NDUFA5: variants seen among roughly 807,000 people sequenced by gnomAD.
NDUFA5 encodes NADH:ubiquinone oxidoreductase subunit A5.
Under a neutral mutation model 19.8 loss-of-function variants are expected in NDUFA5, and 11 were observed. That is an observed-to-expected ratio of 0.56 (90% CI 0.35 to 0.92). The LOEUF (loss-of-function observed/expected upper bound fraction) is 0.92, where lower values mean the gene tolerates loss of function less well. NDUFA5 is among the 40% of genes least tolerant of loss of function. NDUFA5 has a pLI of 0.01. For synonymous variants in NDUFA5, 47 were observed against 46.8 expected, an observed-to-expected ratio of 1.00 and a Z score of -0.01; for missense variants, 109 against 134.2, an observed-to-expected ratio of 0.81 and a Z score of 0.93.
At chr7:123,557,626 T>G (rs1476098438) in intron 1 of NDUFA5, 149 bp downstream of exon 1, 2 of 1,613,476 alleles carry the variant, frequency 1.2e-6, no homozygotes, top group Non-Finnish European at 1.7e-6. Context: ...ACCACTAACC[T>G]GCCCTACCCG....
intron 4 of NDUFA5, among the ~76,000 whole-genome samples, chr7:123,543,134 A>G (rs906206461): frequency 6.6e-6 from 1 of 152,234 alleles, no homozygotes; most frequent in Non-Finnish European, 1.5e-5. Context: ...TGAGTTAAAG[A>G]GCAGATGAAT....
chr7:123,544,344 C>T (rs998023610), intron 4 of NDUFA5, among the ~76,000 whole-genome samples: 2 of 151,792 alleles, frequency 1.3e-5, no homozygotes, highest in African/African-American at 2.4e-5. Flanking sequence ...ACTAAAAATA[C>T]AAAATTAGCT....
chr7:123,557,945 C>G (rs530677661), upstream of NDUFA5: 3 of 1,376,292 alleles, frequency 2.2e-6, no homozygotes, highest in Admixed American at 4.1e-5. Flanking sequence ...TCTGCCCCGC[C>G]CATCTTAAAA....
Position 123,541,231 on chromosome 7 carries a change from T to C in NDUFA5, c.*888A>G, listed in dbSNP as rs774776260. The C allele has an allele frequency of 6.6e-6, 1 of 152,200 alleles. No individual in the cohort carries two copies. The highest frequency in any genetic ancestry group is 1.5e-5 in the Non-Finnish European group (1 of 68,040). 9.4% of individuals were successfully genotyped at this position (152,200 alleles called of 1,614,324 possible). ...TATAAGCCTATCCGTATGCCAGATA[T>C]AAATTTCAGGAACTCTTAATGTCTC... On this transcript the variant is annotated 3_prime_UTR_variant, in exon 5 of 5. Coordinates refer to ENST00000355749, the MANE Select transcript of NDUFA5 (RefSeq NM_005000.5).
chr7:123,586,342 C>T, the NDUFA5 span, among the ~76,000 whole-genome samples: 8 of 151,712 alleles, frequency 5.3e-5, no homozygotes, highest in Admixed American at 5.3e-4. Flanking sequence ...ATGTTGAGGA[C>T]CTTTTCACTC....
chr7:123,581,710 A>C, the NDUFA5 span, among the ~76,000 whole-genome samples: 1 of 151,934 alleles, frequency 6.6e-6, no homozygotes, highest in African/African-American at 2.4e-5. Context: ...AGGATTGTAA[A>C]ATTCTACTGG....
In NDUFA5 at chr7:123,551,415, G is replaced by A. The variant is rs143658362; in HGVS notation, c.67-829C>T. On this transcript the variant is annotated intron_variant, in intron 2 of 4. Transcript: ENST00000355749. ...GTAGAGACAGGGTTTTGCCATGTTG[G>A]CCAGGATGGTCTCAAACTCCTGACT... 2,405 of 242,862 alleles carry A rather than the reference G, an allele frequency of 9.9e-3. 55 individuals carry two copies. Among genetic ancestry groups the A allele is most frequent in the African/African-American group, 0.052 (2,228 of 43,064 alleles). The allele number at this position is 242,862 out of a possible 1,614,324, so 15.0% of individuals were successfully genotyped here.
chr7:123,542,818 C>A (rs1797988110), intron 4 of NDUFA5, among the ~76,000 whole-genome samples: 1 of 152,064 alleles, frequency 6.6e-6, no homozygotes, highest in Non-Finnish European at 1.5e-5. Flanking sequence ...TGAGTAAATT[C>A]CTTAATCAAA....
At position 123,537,213 on chromosome 7, in the gene NDUFA5, T is replaced by C. The variant is rs1379946108; in HGVS notation, c.*4906A>G. 1 of 152,210 alleles carries C rather than the reference T, an allele frequency of 6.6e-6. No homozygotes were observed. Among genetic ancestry groups the C allele is most frequent in the East Asian group, 1.9e-4 (1 of 5,200 alleles). 9.4% of individuals were successfully genotyped at this position (152,210 alleles called of 1,614,324 possible). On this transcript the variant is annotated 3_prime_UTR_variant, in exon 5 of 5. Coordinates refer to ENST00000355749, the MANE Select transcript of NDUFA5 (RefSeq NM_005000.5). Reference sequence around the variant, plus strand: ...TTCATCTCAGCATTTATTTATGTAATAAACATTTCTTTTGATGTGCTTTTA... The same window carrying C: ...TTCATCTCAGCATTTATTTATGTAACAAACATTTCTTTTGATGTGCTTTTA...
At chr7:123,567,706 G>A in the NDUFA5 span, among the ~76,000 whole-genome samples, 2 of 152,222 alleles carry the variant, frequency 1.3e-5, no homozygotes, top group Middle Eastern at 3.4e-3. Context: ...TTCTGAAAAT[G>A]TACAGGGGAC....
chr7:123,585,235 A>T, the NDUFA5 span, among the ~76,000 whole-genome samples: 1 of 151,772 alleles, frequency 6.6e-6, no homozygotes, highest in Non-Finnish European at 1.5e-5. Context: ...ATTAATTTTT[A>T]AATTTCTGAA....
chr7:123,557,997 G>T (rs761631836), upstream of NDUFA5: 5 of 793,642 alleles, frequency 6.3e-6, no homozygotes, highest in Non-Finnish European at 9.9e-6. Flanking sequence ...CAAGCCTAAA[G>T]CTAAGCTAGA....
At chr7:123,543,872 C>A (rs929565803) in intron 4 of NDUFA5, among the ~76,000 whole-genome samples, 1 of 151,982 alleles carries the variant, frequency 6.6e-6, no homozygotes. Context: ...GGTAAACAGG[C>A]CTTTGAATAA....
chr7:123,550,302 A>G, intron 3 of NDUFA5, 168 bp downstream of exon 3: 1 of 563,400 alleles, frequency 1.8e-6, no homozygotes, highest in South Asian at 2.0e-5. Context: ...CTGCATATAG[A>G]AAACACTCAA....
chr7:123,594,339 T>A, the NDUFA5 span, among the ~76,000 whole-genome samples: 11 of 152,186 alleles, frequency 7.2e-5, no homozygotes, highest in African/African-American at 2.4e-4. Context: ...GGAGTTGTGT[T>A]CCTTTGGAGG....
chr7:123,570,495 T>C, the NDUFA5 span, among the ~76,000 whole-genome samples: 2 of 151,974 alleles, frequency 1.3e-5, no homozygotes, highest in Non-Finnish European at 2.9e-5. Flanking sequence ...AATGGCCTTT[T>C]CTTTATTTCT....
chr7:123,594,376 T>G, the NDUFA5 span, among the ~76,000 whole-genome samples: 1 of 152,300 alleles, frequency 6.6e-6, no homozygotes, highest in African/African-American at 2.4e-5. Context: ...TTTTTGGAAT[T>G]TTCAGCCTTT....
At chr7:123,545,816 T>G in intron 3 of NDUFA5, 140 bp from the exon 4 acceptor site, 1 of 589,754 alleles carries the variant, frequency 1.7e-6, no homozygotes, top group Non-Finnish European at 2.9e-6. Flanking sequence ...AAATATTTGG[T>G]GAAAATTCAT....
At chr7:123,562,337 G>A (rs1481890796), upstream of NDUFA5, among the ~76,000 whole-genome samples, 3 of 152,116 alleles carry the variant, frequency 2.0e-5, no homozygotes, top group Non-Finnish European at 4.4e-5. Flanking sequence ...TGTAACAAGA[G>A]AGTTAGCCTG....
Sources: allele counts gnomAD v4.1 joint callset (sites outside exome capture counted in the v4.1 genomes callset), GRCh38; gene constraint gnomAD v4.1.1; transcripts MANE v1.5; gene names NCBI Gene and HGNC (gene_info 2026-07-23, HGNC 2026-07-21).